RIF1: variants seen among roughly 807,000 people sequenced by gnomAD.
RIF1 encodes the protein replication timing regulatory factor 1, also known as telomere-associated protein RIF1.
A neutral mutation model predicts 247.1 loss-of-function variants in RIF1; 45 were observed. The observed-to-expected ratio is 0.18, with a 90% CI of 0.14 to 0.23. The LOEUF (loss-of-function observed/expected upper bound fraction) is 0.23. Among genes scored for constraint, RIF1 ranks in the 10% least tolerant of loss-of-function variants. The probability of loss-of-function intolerance (pLI) is 1.00; values close to 1 mark genes in which losing one functional copy is unlikely to be tolerated. For synonymous variants in RIF1, 1,087 were observed against 978.8 expected, an observed-to-expected ratio of 1.11 and a Z score of -2.06; for missense variants, 2,967 against 2,862.5, an observed-to-expected ratio of 1.04 and a Z score of -0.83.
rs1485148824 is a variant in RIF1 at position 151,437,309 on chromosome 2, G to C, written c.1441G>C (p.Ala481Pro). 6.2e-7 allele frequency: 1 copy of C among 1,613,622 alleles called. No homozygotes were observed. The highest frequency in any genetic ancestry group is 1.3e-5 in the African/African-American group (1 of 74,844). The stretch of plus-strand genomic sequence containing the variant: ...CAAACATGCAAATACACTTATCACT[G>C]CTGTTCATGATAGCTTTGTTGCAGT... Reference protein sequence around the residue: ...FSKHANTLITAVHDSFVAVGK... With the variant: ...FSKHANTLITPVHDSFVAVGK... The change falls in exon 13 of 36, where the codon GCT (alanine) becomes CCT (proline). Residue 481 changes from alanine to proline, a missense_variant. Physicochemically the swap from Ala to Pro is conservative, Grantham distance 27. This residue lies in a region of RIF1 where 369 missense variants were observed against 322.0 expected (regional missense o/e 1.15). Coordinates refer to ENST00000444746, the MANE Select transcript of RIF1 (RefSeq NM_018151.5).
intron 35 of RIF1, 122 bp from the exon 36 acceptor site, chr2:151,474,735 G>T: frequency 1.5e-6 from 1 of 648,918 alleles, no homozygotes; most frequent in Non-Finnish European, 2.7e-6. Context: ...TTGTCCTCAT[G>T]AAGACTTAAG....
intron 4 of RIF1, 130 bp from the exon 5 acceptor site, chr2:151,416,431 T>C: frequency 1.2e-6 from 1 of 844,146 alleles, no homozygotes; most frequent in Non-Finnish European, 1.8e-6. Flanking sequence ...CAGCATTGGT[T>C]CTCTGATCTG....
At chr2:151,482,716 ATTAG>A (rs767985643), downstream of RIF1, among the ~76,000 whole-genome samples, 14 of 152,346 alleles carry the variant, frequency 9.2e-5, no homozygotes, top group Non-Finnish European at 1.3e-4. Context: ...AAGACACTGT[ATTAG>A]TTTCCTAGGG....
the RIF1 span, chr2:151,526,028 C>G: frequency 1.2e-6 from 2 of 1,613,972 alleles, no homozygotes; most frequent in Non-Finnish European, 1.7e-6. Context: ...TGTGTATGAG[C>G]CCTGTGCCAA....
intron 3 of RIF1, among the ~76,000 whole-genome samples, chr2:151,412,300 AT>A (rs962003416): frequency 1.4e-3 from 163 of 113,850 alleles, no homozygotes; most frequent in African/African-American, 3.5e-3. Flanking sequence ...TCTTTTTTTA[AT>A]TTTTTTTGTT....
In RIF1 at chr2:151,433,043, C is replaced by T. The variant is rs140083684; in HGVS notation, c.926-34C>T. The T allele has an allele frequency of 1.3e-3, 2,069 of 1,544,356 alleles. 24 individuals carry two copies. The African/African-American group carries it at 0.024, about 18-fold the overall frequency. ...TGTTAGAGTTAATCTTTAGCTTGGA[C>T]GTCTCTTTAACTGTGTGCTTATTTT... On this transcript the variant is annotated intron_variant, in intron 9 of 35. Coordinates refer to ENST00000444746, the MANE Select transcript of RIF1 (RefSeq NM_018151.5).
chr2:151,516,333 A>G, the RIF1 span: 1 of 606,482 alleles, frequency 1.6e-6, no homozygotes, highest in East Asian at 2.8e-5. Context: ...GATTTTAGTG[A>G]TCACATGATA....
chr2:151,462,286 A>C lies in RIF1; in HGVS notation c.3272A>C (p.Asp1091Ala). ...TATAATAATCTGGATGTTTCCCAAGATACCTTATTTACTCAGTATAGTCAG... is the reference window on the plus strand; with the variant it reads ...TATAATAATCTGGATGTTTCCCAAGCTACCTTATTTACTCAGTATAGTCAG... Reference protein sequence around the residue: ...AMYNNLDVSQDTLFTQYSQEE... With the variant: ...AMYNNLDVSQATLFTQYSQEE... Residue 1091 changes from aspartate to alanine, a missense_variant, in exon 28 of 36, where the codon GAT (aspartate) becomes GCT (alanine). Around this residue, in one of 7 missense-constraint regions of RIF1, gnomAD observed 2,028 missense variants for 1,825.6 expected, o/e 1.11. Coordinates refer to ENST00000444746, the MANE Select transcript of RIF1 (RefSeq NM_018151.5). 6.3e-7 allele frequency: 1 copy of C among 1,590,322 alleles called. No homozygotes were observed. The highest frequency in any genetic ancestry group is 1.2e-5 in the South Asian group (1 of 85,904).
chr2:151,414,084 G>T lies in RIF1; in HGVS notation c.184-739G>T, dbSNP rs182710344. 2.3e-3 allele frequency among the ~76,000 whole-genome samples: 352 copies of T among 152,206 alleles called. 9 individuals carry two copies. In the East Asian group the frequency reaches 0.046, roughly 20 times the overall value. Reference sequence around the variant, plus strand: ...CCCAGCACTTTGGGAGGCCTGAGGCGGGTGGATCACCTGAGGTCAGGAGTT... The same window carrying T: ...CCCAGCACTTTGGGAGGCCTGAGGCTGGTGGATCACCTGAGGTCAGGAGTT... On this transcript the variant is annotated intron_variant, in intron 3 of 35. Coordinates refer to ENST00000444746, the MANE Select transcript of RIF1 (RefSeq NM_018151.5).
rs756648014 is a variant in RIF1 at position 151,464,196 on chromosome 2, C to G, written c.4676C>G (p.Ala1559Gly). 7.4e-6 allele frequency: 12 copies of G among 1,611,614 alleles called. No homozygotes were observed. The South Asian group carries it at 1.3e-4, about 18-fold the overall frequency. ...AACTCAGAATCTGATAGTTCGGAGG[C>G]AAAAGAAGAAGGTTCTAGGAAGAAG... is the stretch of plus-strand genomic sequence containing the variant. ...IENSESDSSEAKEEGSRKKRS... is the reference protein window; with the variant it reads ...IENSESDSSEGKEEGSRKKRS... The change falls in exon 30 of 36, where the codon GCA becomes GGA. Residue 1559 changes from alanine (A) to glycine (G), a missense_variant. This residue lies in a region of RIF1 where 2,028 missense variants were observed against 1,825.6 expected (regional missense o/e 1.11). Transcript: ENST00000444746.
the RIF1 span, among the ~76,000 whole-genome samples, chr2:151,520,818 C>T: frequency 7.9e-5 from 12 of 152,136 alleles, no homozygotes; most frequent in Non-Finnish European, 1.8e-4. Context: ...GAGTCAGGAT[C>T]GCACCACTGC....
At chr2:151,413,041 A>G (rs561407704) in intron 3 of RIF1, among the ~76,000 whole-genome samples, 308 of 149,144 alleles carry the variant, frequency 2.1e-3, no homozygotes, top group African/African-American at 7.3e-3. Context: ...CAGGAATTCT[A>G]TTGCATACTT....
chr2:151,418,232 TCTCA>T (rs1325989784), intron 6 of RIF1, among the ~76,000 whole-genome samples: 1 of 152,198 alleles, frequency 6.6e-6, no homozygotes, highest in African/African-American at 2.4e-5. Context: ...TTTGAGACAG[TCTCA>T]CTCTGTTGTT....
chr2:151,420,349 A>G lies in RIF1; in HGVS notation c.663A>G (p.Ile221Met). The change falls in exon 7 of 36, where the codon ATA becomes ATG. Residue 221 changes from isoleucine (I) to methionine (M), a missense_variant. By Grantham distance (10) the Ile-to-Met change is conservative. Around this residue, in one of 7 missense-constraint regions of RIF1, gnomAD observed 269 missense variants for 288.6 expected, o/e 0.93. Coordinates refer to ENST00000444746, the MANE Select transcript of RIF1 (RefSeq NM_018151.5). Reference protein sequence around the residue: ...MPLLLQKQQEIASITEQLMTT... With the variant: ...MPLLLQKQQEMASITEQLMTT... ...TATTGCTTCAGAAACAGCAAGAAAT[A>G]GCATCTATTACGGAGCAGCTTATGA... The G allele has an allele frequency of 1.2e-6, 2 of 1,614,190 alleles. No homozygotes were observed. The highest frequency in any genetic ancestry group is 1.7e-6 in the Non-Finnish European group (2 of 1,180,034).
intron 30 of RIF1, among the ~76,000 whole-genome samples, 183 bp downstream of exon 30, chr2:151,466,303 G>A (rs1028071852): frequency 6.6e-6 from 1 of 152,160 alleles, no homozygotes; most frequent in African/African-American, 2.4e-5. Context: ...GGAGACTGAA[G>A]CCTTTTAGAT....
chr2:151,476,438 T>C lies in RIF1; in HGVS notation c.*1367T>C, dbSNP rs796885851. ...TATCTCACTTCTTCTTTGAATAGAA[T>C]GAGTGAGTGATCTCAGTTTTCACAT... On this transcript the variant is annotated 3_prime_UTR_variant, in exon 36 of 36. Transcript: ENST00000444746. 4 of 152,320 alleles carry C rather than the reference T, an allele frequency of 2.6e-5. No individual in the cohort carries two copies. The highest frequency in any genetic ancestry group is 9.6e-5 in the African/African-American group (4 of 41,586). The allele number at this position is 152,320 out of a possible 1,614,324, so 9.4% of individuals were successfully genotyped here. A position where few individuals can be genotyped will look rare whatever the true frequency, so the allele number is the denominator to read the frequency against.
At position 151,415,477 on chromosome 2, in the gene RIF1, C is replaced by T. The variant is rs546058734; in HGVS notation, c.280+558C>T. On this transcript the variant is annotated intron_variant, in intron 4 of 35. Transcript: ENST00000444746. ...GGCGTGGTGGCAGGTGCCTGTAGTC[C>T]CATCTGCTGGGGAGGCTGAGGCAGG... 2.7e-5 allele frequency among the ~76,000 whole-genome samples: 4 copies of T among 147,844 alleles called. No individual in the cohort carries two copies. The East Asian group carries it at 8.1e-4, about 30-fold the overall frequency.
At chr2:151,424,075 G>A (rs978913779) in intron 8 of RIF1, among the ~76,000 whole-genome samples, 4 of 152,082 alleles carry the variant, frequency 2.6e-5, no homozygotes, top group African/African-American at 7.2e-5. Context: ...ATGCCCTTCC[G>A]TGTCTGGCTT....
chr2:151,410,095 C>T (rs1467867914), intron 1 of RIF1, 62 bp downstream of exon 1: 3 of 696,504 alleles, frequency 4.3e-6, no homozygotes, highest in Non-Finnish European at 5.3e-6. Context: ...GCCCACCCTC[C>T]GCCCCCTCGC....
Sources: gnomAD v4.1 joint callset for allele counts (sites outside exome capture counted in the v4.1 genomes callset) on GRCh38, gnomAD v4.1.1 for gene constraint, gnomAD v4.1.1 regional missense constraint, MANE v1.5 for transcripts, NCBI Gene and HGNC (gene_info 2026-07-23, HGNC 2026-07-21) for gene names.